Variants in XXYLT1 observed in about 807,000 individuals in gnomAD.
The protein encoded by XXYLT1 is UDP-xylose:alpha-xyloside alpha-1,3-xylosyltransferase.
In XXYLT1, 20 loss-of-function variants were observed where a neutral mutation model predicts 28.9. The observed-to-expected ratio is 0.69, with a 90% CI of 0.49 to 1.00. The LOEUF (loss-of-function observed/expected upper bound fraction) is 1.00, where lower values mean the gene tolerates loss of function less well. Ranked by LOEUF, XXYLT1 falls within the 50% of genes least tolerant of loss-of-function variation. The pLI is 0.00. For missense variants in XXYLT1, 542 were observed against 560.1 expected (o/e 0.97, Z 0.33); for synonymous variants, 257 against 253.8 (o/e 1.01, Z -0.12).
intron 3 of XXYLT1, among the ~76,000 whole-genome samples, chr3:195,149,919 T>TATC (rs1360522796): frequency 2.0e-5 from 3 of 152,194 alleles, no homozygotes; most frequent in Non-Finnish European, 4.4e-5. Flanking sequence ...GGAGATAACA[T>TATC]ATCCAGCGTT....
At chr3:195,075,651 G>C (rs1186781669) in intron 3 of XXYLT1, among the ~76,000 whole-genome samples, 1 of 152,194 alleles carries the variant, frequency 6.6e-6, no homozygotes, top group South Asian at 2.1e-4. Context: ...CTAGCACTTG[G>C]AGGAGAGCTG....
At chr3:195,110,277 TGTGGG>T (rs1717503545) in intron 3 of XXYLT1, among the ~76,000 whole-genome samples, 2 of 88,510 alleles carry the variant, frequency 2.3e-5, no homozygotes, top group African/African-American at 8.9e-5. Flanking sequence ...GTGTGGTGTG[TGTGGG>T]GTGTATGTGT....
At chr3:195,140,275 A>G (rs1407789508) in intron 3 of XXYLT1, among the ~76,000 whole-genome samples, 1 of 152,226 alleles carries the variant, frequency 6.6e-6, no homozygotes, top group Non-Finnish European at 1.5e-5. Context: ...TTAGCAAATT[A>G]GTCTATAGGC....
chr3:195,253,528 G>T (rs1725355541), intron 1 of XXYLT1, among the ~76,000 whole-genome samples: 1 of 144,580 alleles, frequency 6.9e-6, no homozygotes, highest in Non-Finnish European at 1.5e-5. Flanking sequence ...TTTTGAGAAG[G>T]AGTTTTGTCT....
intron 2 of XXYLT1, among the ~76,000 whole-genome samples, chr3:195,204,459 C>T (rs1250845679): frequency 1.3e-5 from 2 of 150,598 alleles, no homozygotes; most frequent in Non-Finnish European, 2.9e-5. Context: ...CACGCACACA[C>T]ACACACTCAC....
intron 3 of XXYLT1, among the ~76,000 whole-genome samples, chr3:195,110,266 TGTGTG>T (rs1717492223): frequency 2.7e-5 from 1 of 37,224 alleles, no homozygotes; most frequent in African/African-American, 1.1e-4. Flanking sequence ...TGTGTGTGGG[TGTGTG>T]GTGTGTGTGG....
intron 1 of XXYLT1, among the ~76,000 whole-genome samples, chr3:195,264,272 T>G (rs12494306): frequency 0.031 from 4,660 of 152,338 alleles, 148 homozygotes; most frequent in East Asian, 0.1. Context: ...GTCTCTGCCT[T>G]CTGGAGATTA....
chr3:195,099,583 C>T (rs1560093645), intron 3 of XXYLT1, among the ~76,000 whole-genome samples: 1 of 152,146 alleles, frequency 6.6e-6, no homozygotes, highest in African/African-American at 2.4e-5. Flanking sequence ...ATAATTCCAG[C>T]ACTTTGGGAG....
chr3:195,137,103 T>C (rs1303341504), intron 3 of XXYLT1, among the ~76,000 whole-genome samples: 1 of 152,046 alleles, frequency 6.6e-6, no homozygotes, highest in Non-Finnish European at 1.5e-5. Flanking sequence ...CCTGCCACAG[T>C]GCCCAGGTGC....
intron 3 of XXYLT1, among the ~76,000 whole-genome samples, chr3:195,134,233 T>C (rs1471858628): frequency 6.6e-6 from 1 of 152,198 alleles, no homozygotes. Flanking sequence ...TTTATTTCTA[T>C]AAATTTAGCA....
chr3:195,179,067 C>T (rs145795029), intron 2 of XXYLT1, among the ~76,000 whole-genome samples: 159 of 152,210 alleles, frequency 1.0e-3, no homozygotes, highest in Middle Eastern at 0.01. Context: ...TGGGGCCGGG[C>T]GCGGTGGCTC....
At position 195,077,478 on chromosome 3, in the gene XXYLT1, C is replaced by A. The variant is rs1292633197; in HGVS notation, c.786-7367G>T. ...CTGATGCTGCAAATGCTCCTCCCTGCCCAGGCTTAGGTTGTGGCGGCTCCT... is the reference window on the plus strand; with the variant it reads ...CTGATGCTGCAAATGCTCCTCCCTGACCAGGCTTAGGTTGTGGCGGCTCCT... On this transcript the variant is annotated intron_variant, in intron 3 of 3. Transcript: ENST00000310380. This position sits in a 1 kb window ranked among gnomAD's most constrained non-coding sequence, Gnocchi z 4.8. Among the ~76,000 whole-genome samples the A allele has an allele frequency of 6.6e-6, 1 of 152,160 alleles. No individual in the cohort carries two copies. Among genetic ancestry groups the A allele is most frequent in the Non-Finnish European group, 1.5e-5 (1 of 68,010 alleles).
At chr3:195,083,762 A>C (rs1715568819) in intron 3 of XXYLT1, among the ~76,000 whole-genome samples, 1 of 152,232 alleles carries the variant, frequency 6.6e-6, no homozygotes. Flanking sequence ...ACAGTGGCTC[A>C]TGCCGCTAAT....
intron 3 of XXYLT1, among the ~76,000 whole-genome samples, chr3:195,155,951 C>T (rs938691835): frequency 6.6e-6 from 1 of 152,230 alleles, no homozygotes; most frequent in Admixed American, 6.5e-5. Flanking sequence ...ATGACACAGG[C>T]TTGACAATCA....
chr3:195,223,391 A>C (rs1268406436), intron 2 of XXYLT1, among the ~76,000 whole-genome samples: 1 of 152,206 alleles, frequency 6.6e-6, no homozygotes, highest in Non-Finnish European at 1.5e-5. Flanking sequence ...AGAGGAGCAC[A>C]GGCTTTTCTG....
At chr3:195,226,944 C>G (rs1724082915) in intron 1 of XXYLT1, 88 bp from the exon 2 acceptor site, 2 of 1,493,252 alleles carry the variant, frequency 1.3e-6, no homozygotes, top group South Asian at 1.3e-5. Context: ...CCCACAGAGG[C>G]AGAGGCAGAC....
At position 195,129,140 on chromosome 3, in the gene XXYLT1, CAT is replaced by C. The variant is rs1204889558; in HGVS notation, c.785+27307_785+27308del. 2.0e-5 allele frequency among the ~76,000 whole-genome samples: 3 copies of C among 152,192 alleles called. No individual in the cohort carries two copies. The highest frequency in any genetic ancestry group is 6.5e-5 in the Admixed American group (1 of 15,270). ...TGTGTGGGGGGAAGGTCGCGGCTAACATAGAGAGGGACAGCAGAGTTTAGCGT... is the reference window on the plus strand; with the variant it reads ...TGTGTGGGGGGAAGGTCGCGGCTAACAGAGAGGGACAGCAGAGTTTAGCGT... On this transcript the variant is annotated intron_variant, in intron 3 of 3. Coordinates refer to ENST00000310380, the MANE Select transcript of XXYLT1 (RefSeq NM_152531.5). This position sits in a 1 kb window ranked among gnomAD's most constrained non-coding sequence, Gnocchi z 4.4.
Position 195,069,547 on chromosome 3 carries a change from G to A in XXYLT1, c.*168C>T, listed in dbSNP as rs190235134. 5.0e-5 allele frequency: 47 copies of A among 943,370 alleles called. No homozygotes were observed. The Admixed American group carries it at 6.1e-4, about 12-fold the overall frequency. The allele number at this position is 943,370 out of a possible 1,614,324, so 58.4% of individuals were successfully genotyped here. ...AGCAGTGCACAGGCCAGTCCTTGGC[G>A]GGTGGCCTCAGCACAGTGACCTGCC... On this transcript the variant is annotated 3_prime_UTR_variant, in exon 4 of 4. Coordinates refer to ENST00000310380, the MANE Select transcript of XXYLT1 (RefSeq NM_152531.5).
At chr3:195,120,569 C>A (rs1273164930) in intron 3 of XXYLT1, among the ~76,000 whole-genome samples, 1 of 152,204 alleles carries the variant, frequency 6.6e-6, no homozygotes, top group Non-Finnish European at 1.5e-5. Flanking sequence ...ATTATTATTC[C>A]TGTTCAGCTG....
Sources: gnomAD v4.1 joint callset for allele counts (sites outside exome capture counted in the v4.1 genomes callset) on GRCh38, gnomAD v4.1.1 for gene constraint, Gnocchi (gnomAD v3.1) non-coding constraint, MANE v1.5 for transcripts, NCBI Gene and HGNC (gene_info 2026-07-23, HGNC 2026-07-21) for gene names.